PDSS1: variants seen among roughly 807,000 people sequenced by gnomAD.
PDSS1 encodes the protein all trans-polyprenyl-diphosphate synthase PDSS1.
Under a neutral mutation model 57.5 loss-of-function variants are expected in PDSS1, and 43 were observed. The ratio of observed to expected loss-of-function variants is 0.75; its 90% CI spans 0.59 to 0.96. The LOEUF (loss-of-function observed/expected upper bound fraction) is 0.96. Among genes scored for constraint, PDSS1 ranks in the 50% least tolerant of loss-of-function variants. The probability of loss-of-function intolerance (pLI) is 0.00; values close to 1 mark genes in which losing one functional copy is unlikely to be tolerated. For synonymous variants in PDSS1, 175 were observed against 191.3 expected, an observed-to-expected ratio of 0.91 and a Z score of 0.70; for missense variants, 438 against 527.8, an observed-to-expected ratio of 0.83 and a Z score of 1.67.
chr10:26,724,358 A>G (rs1387411754), intron 8 of PDSS1, among the ~76,000 whole-genome samples: 1 of 152,128 alleles, frequency 6.6e-6, no homozygotes, highest in Non-Finnish European at 1.5e-5. Context: ...CCAAGAATTC[A>G]ATCAAAATAA....
chr10:26,719,792 C>T (rs1835723382), intron 5 of PDSS1, among the ~76,000 whole-genome samples: 1 of 152,080 alleles, frequency 6.6e-6, no homozygotes, highest in African/African-American at 2.4e-5. Context: ...GTATTAAAAG[C>T]CTTGAACATT....
At chr10:26,706,109 C>T (rs2477297) in intron 4 of PDSS1, among the ~76,000 whole-genome samples, 79,455 of 152,054 alleles carry the variant, frequency 0.52, 21,819 homozygotes, top group Middle Eastern at 0.64. Flanking sequence ...TTCAGTAGTT[C>T]CCAACCTCAC....
At chr10:26,744,721 T>C (rs1054585611) in intron 11 of PDSS1, among the ~76,000 whole-genome samples, 25 of 152,272 alleles carry the variant, frequency 1.6e-4, no homozygotes, top group African/African-American at 5.3e-4. Flanking sequence ...TATTTGCAGA[T>C]GTACTTCAGG....
At chr10:26,745,973 G>A (rs139814128) in intron 11 of PDSS1, among the ~76,000 whole-genome samples, 1 of 151,992 alleles carries the variant, frequency 6.6e-6, no homozygotes, top group Admixed American at 6.6e-5. Flanking sequence ...TATTTTTTAA[G>A]TAAGTTTTAC....
At chr10:26,719,413 G>T (rs1235872447) in intron 5 of PDSS1, among the ~76,000 whole-genome samples, 2 of 152,164 alleles carry the variant, frequency 1.3e-5, no homozygotes, top group African/African-American at 4.8e-5. Context: ...AATGTGAGTT[G>T]GAAGAAAGTT....
intron 8 of PDSS1, among the ~76,000 whole-genome samples, chr10:26,724,600 G>C (rs960357597): frequency 2.6e-5 from 4 of 151,958 alleles, no homozygotes; most frequent in Admixed American, 6.6e-5. Flanking sequence ...TTTTGAGACA[G>C]AGTCTTTTGC....
At chr10:26,736,467 A>C (rs1469871899) in intron 10 of PDSS1, among the ~76,000 whole-genome samples, 1 of 152,230 alleles carries the variant, frequency 6.6e-6, no homozygotes, top group Non-Finnish European at 1.5e-5. Flanking sequence ...TTTTGCCTCT[A>C]TTCTGTCTTC....
chr10:26,735,347 T>C, intron 9 of PDSS1, 27 bp downstream of exon 9: 1 of 1,522,520 alleles, frequency 6.6e-7, no homozygotes, highest in South Asian at 1.1e-5. Context: ...TTTGTAAGAA[T>C]GGTGGCGTAG....
chr10:26,697,817 G>A lies in PDSS1; in HGVS notation c.106G>A (p.Ala36Thr), dbSNP rs1386925817. 16 of 1,339,456 alleles carry A rather than the reference G, an allele frequency of 1.2e-5. No homozygotes were observed. The East Asian group carries it at 4.5e-4, about 37-fold the overall frequency. 83.0% of individuals were successfully genotyped at this position (1,339,456 alleles called of 1,614,324 possible). A position where few individuals can be genotyped will look rare whatever the true frequency, so the allele number is the denominator to read the frequency against. ...CCGTGCGGGACCGTTGGGGCCGAGC[G>A]CCGCTGCCGAAGTCCGCGCGCAGGT... ...PGRAGPLGPSAAAEVRAQVHR... is the reference protein window; with the variant it reads ...PGRAGPLGPSTAAEVRAQVHR... Residue 36 changes from alanine (A) to threonine (T), a missense_variant, in exon 1 of 12, where the codon GCC becomes ACC. Physicochemically the swap from Ala to Thr is moderately conservative, Grantham distance 58. Coordinates refer to ENST00000376215, the MANE Select transcript of PDSS1 (RefSeq NM_014317.5).
intron 10 of PDSS1, among the ~76,000 whole-genome samples, chr10:26,737,976 G>T (rs1484699888): frequency 2.6e-5 from 4 of 152,160 alleles, no homozygotes; most frequent in Non-Finnish European, 5.9e-5. Context: ...CTCTGGACAG[G>T]ACTCATTTCA....
At chr10:26,718,726 A>G (rs914252594) in intron 5 of PDSS1, 3 of 143,300 alleles carry the variant, frequency 2.1e-5, no homozygotes, top group Non-Finnish European at 3.0e-5. Context: ...ACACCATTGC[A>G]CTCCAGCCTG....
At position 26,742,463 on chromosome 10, in the gene PDSS1, AGATT is replaced by A. The variant is rs34974619; in HGVS notation, c.1027-33_1027-30del. On this transcript the variant is annotated intron_variant, in intron 10 of 11. Coordinates refer to ENST00000376215, the MANE Select transcript of PDSS1 (RefSeq NM_014317.5). ...CTTGTTTCTCCCAAGAGAAATAAAT[AGATT>A]TTCTCAGATTTTCTCTCTTTTTTTG... 0.12 allele frequency: 171,594 copies of A among 1,450,620 alleles called. 11,580 individuals are homozygous for A. Among genetic ancestry groups the A allele is most frequent in the African/African-American group, 0.27 (19,352 of 71,982 alleles). The allele number at this position is 1,450,620 out of a possible 1,614,324, so 89.9% of individuals were successfully genotyped here. A position where few individuals can be genotyped will look rare whatever the true frequency, so the allele number is the denominator to read the frequency against.
At chr10:26,703,667 A>T (rs1490222028) in intron 2 of PDSS1, among the ~76,000 whole-genome samples, 4 of 152,204 alleles carry the variant, frequency 2.6e-5, no homozygotes, top group Non-Finnish European at 5.9e-5. Context: ...GTTGCACTGT[A>T]ATTGCCTGGG....
At chr10:26,717,860 A>AT (rs1320111948) in intron 5 of PDSS1, 6 of 152,144 alleles carry the variant, frequency 3.9e-5, no homozygotes, top group Non-Finnish European at 7.4e-5. Context: ...TTAAAAAAAA[A>AT]CTGTAAAAGT....
chr10:26,699,413 GAC>G (rs1834975544), intron 1 of PDSS1, among the ~76,000 whole-genome samples: 1 of 85,498 alleles, frequency 1.2e-5, no homozygotes, highest in Non-Finnish European at 2.5e-5. Context: ...TTTTTTTTTT[GAC>G]ACAGAGTCTC....
At chr10:26,701,980 C>A in intron 1 of PDSS1, 182 bp from the exon 2 acceptor site, 1 of 403,980 alleles carries the variant, frequency 2.5e-6, no homozygotes, top group South Asian at 1.8e-5. Context: ...AGATGTGAGA[C>A]ATGGAGTCAA....
At chr10:26,725,617 C>T (rs1187341039) in intron 8 of PDSS1, among the ~76,000 whole-genome samples, 2 of 151,994 alleles carry the variant, frequency 1.3e-5, no homozygotes, top group Non-Finnish European at 2.9e-5. Flanking sequence ...TACAGTAATC[C>T]TTTACATATT....
intron 11 of PDSS1, among the ~76,000 whole-genome samples, chr10:26,744,210 C>T (rs1836725056): frequency 6.6e-6 from 1 of 152,006 alleles, no homozygotes; most frequent in Non-Finnish European, 1.5e-5. Flanking sequence ...AAAACTGGCT[C>T]AATGAATAGC....
intron 8 of PDSS1, chr10:26,734,584 T>G: frequency 2.3e-6 from 1 of 437,574 alleles, no homozygotes; most frequent in Non-Finnish European, 4.6e-6. Context: ...TTTATACAGT[T>G]ACTTCTTTTG....
Sources: gnomAD v4.1 joint callset for allele counts (sites outside exome capture counted in the v4.1 genomes callset) on GRCh38, gnomAD v4.1.1 for gene constraint, MANE v1.5 for transcripts, NCBI Gene and HGNC (gene_info 2026-07-23, HGNC 2026-07-21) for gene names.